The following MARCHF1 variants were observed in gnomAD, a reference collection of about 807,000 sequenced individuals.
MARCHF1 encodes E3 ubiquitin-protein ligase MARCHF1.
In MARCHF1, 40 loss-of-function variants were observed where a neutral mutation model predicts 54.2. That is an observed-to-expected ratio of 0.74 (90% CI 0.57 to 0.96). MARCHF1 has a LOEUF of 0.96. Among genes scored for constraint, MARCHF1 ranks in the 40% least tolerant of loss-of-function variants. The pLI, the probability that MARCHF1 is intolerant of heterozygous loss-of-function variation, is 0.00. For synonymous variants in MARCHF1, 236 were observed against 236.3 expected (o/e 1.00, Z 0.01); for missense variants, 586 against 656.5 (o/e 0.89, Z 1.17).
intron 4 of MARCHF1, among the ~76,000 whole-genome samples, chr4:163,852,624 G>A (rs939511571): frequency 1.3e-5 from 2 of 152,094 alleles, no homozygotes; most frequent in Non-Finnish European, 2.9e-5. Flanking sequence ...CAGTAGTTTT[G>A]CACATATCTC....
intron 1 of MARCHF1, among the ~76,000 whole-genome samples, chr4:164,183,791 A>G: frequency 6.6e-6 from 1 of 152,226 alleles, no homozygotes; most frequent in Non-Finnish European, 1.5e-5. Context: ...AATGGAATTC[A>G]TGAGACATAA....
intron 1 of MARCHF1, among the ~76,000 whole-genome samples, chr4:164,167,568 TA>T (rs11285273): frequency 0.19 from 28,590 of 150,774 alleles, 4,317 homozygotes; most frequent in African/African-American, 0.41. Context: ...TATAGTATTG[TA>T]AAAAAAAGAC....
chr4:163,780,357 G>A (rs760538390), intron 4 of MARCHF1, among the ~76,000 whole-genome samples: 7 of 152,050 alleles, frequency 4.6e-5, no homozygotes, highest in African/African-American at 9.7e-5. Context: ...TTTGTCCAGT[G>A]GAATATGTCG....
chr4:163,985,554 T>G (rs1038097436), intron 3 of MARCHF1, among the ~76,000 whole-genome samples: 16 of 152,310 alleles, frequency 1.1e-4, no homozygotes, highest in African/African-American at 3.8e-4. Flanking sequence ...TTAGAAATAT[T>G]TTCTTGATAT....
intron 2 of MARCHF1, among the ~76,000 whole-genome samples, chr4:164,008,261 G>A (rs1579456853): frequency 6.6e-6 from 1 of 151,980 alleles, no homozygotes. Context: ...ATCATAAAAG[G>A]GTTAGTTCAA....
At chr4:164,287,166 T>TAA (rs1734172244) in intron 1 of MARCHF1, among the ~76,000 whole-genome samples, 1 of 149,608 alleles carries the variant, frequency 6.7e-6, no homozygotes, top group African/African-American at 2.4e-5. Context: ...TATATATATA[T>TAA]AATAAATGAA....
intron 5 of MARCHF1, among the ~76,000 whole-genome samples, chr4:163,684,972 C>T (rs1180149631): frequency 3.3e-5 from 5 of 152,182 alleles, no homozygotes; most frequent in Non-Finnish European, 5.9e-5. Context: ...CTAAAGTACA[C>T]CTCATTCCTA....
intron 4 of MARCHF1, among the ~76,000 whole-genome samples, chr4:163,825,318 A>G (rs11936820): frequency 0.4 from 60,741 of 151,782 alleles, 12,580 homozygotes; most frequent in East Asian, 0.55. Context: ...GTATATGTAC[A>G]CCATTTTCTT....
At chr4:164,142,089 C>T (rs1354297622) in intron 1 of MARCHF1, among the ~76,000 whole-genome samples, 1 of 152,206 alleles carries the variant, frequency 6.6e-6, no homozygotes, top group African/African-American at 2.4e-5. Flanking sequence ...GTGTCACTCC[C>T]ACCCGAATAC....
At chr4:163,841,011 T>C (rs1007824361) in intron 4 of MARCHF1, among the ~76,000 whole-genome samples, 1 of 152,090 alleles carries the variant, frequency 6.6e-6, no homozygotes, top group Admixed American at 6.6e-5. Flanking sequence ...TACCTTTGTA[T>C]AGCAAACTCA....
At chr4:163,741,890 T>C (rs1183716154) in intron 4 of MARCHF1, among the ~76,000 whole-genome samples, 1 of 152,214 alleles carries the variant, frequency 6.6e-6, no homozygotes, top group African/African-American at 2.4e-5. Flanking sequence ...ATTTTAATGT[T>C]TTCCATTATG....
chr4:163,854,020 C>A lies in MARCHF1; in HGVS notation c.111+1G>T. 6.5e-7 allele frequency: 1 copy of A among 1,536,586 alleles called. No homozygotes were observed. The highest frequency in any genetic ancestry group is 8.7e-7 in the Non-Finnish European group (1 of 1,146,542). On this transcript the variant is annotated splice_donor_variant, in intron 4 of 9. Coordinates refer to ENST00000514618, the MANE Select transcript of MARCHF1 (RefSeq NM_001394959.1). LOFTEE classifies it high-confidence loss of function. ...TTGAGGTAAAGTAACTTTCCACTCA[C>A]CAATGTGGAGGTTTGTGAGGCGTCA...
intron 5 of MARCHF1, among the ~76,000 whole-genome samples, chr4:163,656,657 G>A (rs960527659): frequency 6.6e-6 from 1 of 151,830 alleles, no homozygotes; most frequent in Non-Finnish European, 1.5e-5. Context: ...GAAATTCTCA[G>A]TAAAATACTA....
At chr4:163,571,026 G>T (rs1739826946) in intron 8 of MARCHF1, among the ~76,000 whole-genome samples, 1 of 151,928 alleles carries the variant, frequency 6.6e-6, no homozygotes, top group Non-Finnish European at 1.5e-5. Flanking sequence ...ATTTGGACAG[G>T]GTAATCTTTA....
chr4:164,120,222 TAAG>T (rs1331692801), intron 1 of MARCHF1, among the ~76,000 whole-genome samples: 1 of 152,006 alleles, frequency 6.6e-6, no homozygotes, highest in African/African-American at 2.4e-5. Context: ...GGCAAAACTG[TAAG>T]AAGAGACAAA....
intron 3 of MARCHF1, among the ~76,000 whole-genome samples, chr4:163,862,672 A>C (rs1220323460): frequency 6.6e-6 from 1 of 152,082 alleles, no homozygotes; most frequent in African/African-American, 2.4e-5. Flanking sequence ...TAATGAAGGT[A>C]AACATAATCT....
intron 7 of MARCHF1, among the ~76,000 whole-genome samples, chr4:163,602,470 A>G (rs1450005195): frequency 1.3e-5 from 2 of 152,086 alleles, no homozygotes; most frequent in Non-Finnish European, 2.9e-5. Context: ...GTAGAGAGAA[A>G]AGTTGGAAGC....
intron 8 of MARCHF1, among the ~76,000 whole-genome samples, chr4:163,552,025 G>C (rs917354295): frequency 6.6e-6 from 1 of 152,162 alleles, no homozygotes. Context: ...CAAAACCTCA[G>C]ATATAATAGC....
chr4:164,145,209 C>T (rs1359945131), intron 1 of MARCHF1, among the ~76,000 whole-genome samples: 3 of 152,090 alleles, frequency 2.0e-5, no homozygotes, highest in Admixed American at 6.6e-5. Context: ...GAGTCCAGGA[C>T]CAGATGGATT....
Sources: gnomAD v4.1 joint callset for allele counts (sites outside exome capture counted in the v4.1 genomes callset) on GRCh38, gnomAD v4.1.1 for gene constraint, MANE v1.5 for transcripts, NCBI Gene and HGNC (gene_info 2026-07-23, HGNC 2026-07-21) for gene names.